The following GHR variants were observed in gnomAD, a reference collection of about 807,000 sequenced individuals.
GHR encodes GH receptor.
In GHR, 35 loss-of-function variants were observed where a neutral mutation model predicts 67.1. That is an observed-to-expected ratio of 0.52 (90% CI 0.40 to 0.69). The LOEUF (loss-of-function observed/expected upper bound fraction) is 0.69, where lower values mean the gene tolerates loss of function less well. Among genes scored for constraint, GHR ranks in the 30% least tolerant of loss-of-function variants. GHR has a pLI of 0.00. For synonymous variants in GHR, 272 were observed against 269.1 expected (o/e 1.01, Z -0.10); for missense variants, 792 against 764.6 (o/e 1.04, Z -0.42).
chr5:42,679,602 C>T (rs987599280), intron 3 of GHR, among the ~76,000 whole-genome samples: 6 of 150,556 alleles, frequency 4.0e-5, no homozygotes, highest in Non-Finnish European at 7.4e-5. Flanking sequence ...TCCAGCCTGG[C>T]GACAGAGCGA....
intron 8 of GHR, among the ~76,000 whole-genome samples, chr5:42,716,265 G>GC (rs1308503315): frequency 6.6e-6 from 1 of 151,928 alleles, no homozygotes; most frequent in African/African-American, 2.4e-5. Context: ...CCCCAACTGT[G>GC]CCAACTATGA....
At chr5:42,426,969 A>G (rs1439603311) in intron 1 of GHR, among the ~76,000 whole-genome samples, 3 of 152,200 alleles carry the variant, frequency 2.0e-5, no homozygotes, top group Non-Finnish European at 4.4e-5. Flanking sequence ...ATTCATTTCT[A>G]GAAAGTTCTT....
At chr5:42,488,106 G>T (rs1745957971) in intron 1 of GHR, among the ~76,000 whole-genome samples, 1 of 152,100 alleles carries the variant, frequency 6.6e-6, no homozygotes, top group Non-Finnish European at 1.5e-5. Flanking sequence ...CTTCAGCCTA[G>T]TTAGCCTGGT....
chr5:42,711,489 C>A, intron 7 of GHR, 117 bp downstream of exon 7: 1 of 763,770 alleles, frequency 1.3e-6, no homozygotes. Flanking sequence ...CATCAGATAT[C>A]AGGATGAGAG....
At chr5:42,585,037 T>C (rs1225073588) in intron 2 of GHR, among the ~76,000 whole-genome samples, 3 of 152,202 alleles carry the variant, frequency 2.0e-5, no homozygotes, top group African/African-American at 4.8e-5. Flanking sequence ...TGAACGTCAG[T>C]TGTGCCTCAA....
intron 3 of GHR, among the ~76,000 whole-genome samples, chr5:42,643,113 A>G (rs951434128): frequency 2.0e-5 from 3 of 152,160 alleles, no homozygotes; most frequent in Non-Finnish European, 4.4e-5. Flanking sequence ...TGGAGGATAC[A>G]GTTCAACCCA....
chr5:42,594,047 T>A (rs1427234485), intron 2 of GHR, among the ~76,000 whole-genome samples: 2 of 152,186 alleles, frequency 1.3e-5, no homozygotes, highest in African/African-American at 4.8e-5. Context: ...ATCCTTGCCA[T>A]TGGAGAATTT....
At chr5:42,465,309 T>TG (rs1284132784) in intron 1 of GHR, 1 of 697,300 alleles carries the variant, frequency 1.4e-6, no homozygotes, top group African/African-American at 1.8e-5. Context: ...AACAGATTTT[T>TG]TTTTTGCATG....
Position 42,441,520 on chromosome 5 carries a change from T to A in GHR, c.-12+17565T>A, listed in dbSNP as rs955334192. The stretch of plus-strand genomic sequence containing the variant: ...AAATGGAGTTAAAGGAGGAGTTTTT[T>A]TTTTTTTGAGACGGAGTCTCGCCAT... On this transcript the variant is annotated intron_variant, in intron 1 of 9. Transcript: ENST00000230882. Among the ~76,000 whole-genome samples, 4 of 152,064 alleles carry A rather than the reference T, an allele frequency of 2.6e-5. No individual in the cohort carries two copies. In the South Asian group the frequency reaches 8.3e-4, roughly 32 times the overall value.
Position 42,627,078 on chromosome 5 carries a change from T to C in GHR, c.71-1960T>C, listed in dbSNP as rs1580082309. Among the ~76,000 whole-genome samples the C allele has an allele frequency of 2.0e-5, 3 of 152,210 alleles. No individual in the cohort carries two copies. The East Asian group carries it at 5.8e-4, about 29-fold the overall frequency. On this transcript the variant is annotated intron_variant, in intron 2 of 9. Coordinates refer to ENST00000230882, the MANE Select transcript of GHR (RefSeq NM_000163.5). ...AATCAAATTACGACTGTGTTTATAG[T>C]GGATGAATTATGGACCATCTCACAC...
At chr5:42,472,794 C>G (rs1404045988) in intron 1 of GHR, among the ~76,000 whole-genome samples, 1 of 152,086 alleles carries the variant, frequency 6.6e-6, no homozygotes, top group African/African-American at 2.4e-5. Context: ...GATGAACAAG[C>G]TCCTGAGCTC....
intron 5 of GHR, 42 bp downstream of exon 5, chr5:42,695,131 TAAATA>T (rs1757612606): frequency 7.2e-7 from 1 of 1,379,630 alleles, no homozygotes; most frequent in Admixed American, 1.7e-5. Flanking sequence ...AGTTTTAGAC[TAAATA>T]AATGGGGAAG....
intron 1 of GHR, among the ~76,000 whole-genome samples, chr5:42,476,029 C>A (rs1284743487): frequency 6.6e-6 from 1 of 151,794 alleles, no homozygotes; most frequent in African/African-American, 2.4e-5. Flanking sequence ...CTCAGCCTCC[C>A]GAGTAGCTGG....
chr5:42,694,234 G>A (rs1226132883), intron 4 of GHR, among the ~76,000 whole-genome samples: 4 of 152,244 alleles, frequency 2.6e-5, no homozygotes, highest in African/African-American at 9.6e-5. Flanking sequence ...TCTGAGGCAG[G>A]AGGAATTCCT....
intron 2 of GHR, among the ~76,000 whole-genome samples, chr5:42,578,963 T>A (rs1185325563): frequency 1.3e-5 from 2 of 152,156 alleles, no homozygotes; most frequent in Non-Finnish European, 2.9e-5. Flanking sequence ...CAGAAATTCA[T>A]TCCTCAGCAT....
chr5:42,662,924 T>C (rs1436595418), intron 3 of GHR, among the ~76,000 whole-genome samples: 2 of 152,024 alleles, frequency 1.3e-5, no homozygotes, highest in Non-Finnish European at 2.9e-5. Flanking sequence ...TCACCACTGA[T>C]CCCACAGAAA....
intron 2 of GHR, among the ~76,000 whole-genome samples, chr5:42,620,349 A>G (rs932972832): frequency 5.9e-5 from 9 of 152,102 alleles, no homozygotes; most frequent in Non-Finnish European, 1.2e-4. Flanking sequence ...TGTATTGAGC[A>G]CTCCCTATAT....
At chr5:42,450,200 A>G (rs1743987311) in intron 1 of GHR, among the ~76,000 whole-genome samples, 1 of 152,108 alleles carries the variant, frequency 6.6e-6, no homozygotes, top group Non-Finnish European at 1.5e-5. Context: ...TAGTTTCAGT[A>G]TCCAATTCTT....
intron 3 of GHR, among the ~76,000 whole-genome samples, chr5:42,664,770 T>G (rs1251604495): frequency 6.6e-6 from 1 of 152,170 alleles, no homozygotes; most frequent in African/African-American, 2.4e-5. Context: ...AAAGAGCTTC[T>G]GCACAGCAAA....
Sources: gnomAD v4.1 joint callset for allele counts (sites outside exome capture counted in the v4.1 genomes callset) on GRCh38, gnomAD v4.1.1 for gene constraint, MANE v1.5 for transcripts, NCBI Gene and HGNC (gene_info 2026-07-23, HGNC 2026-07-21) for gene names.